SPTLC3: variants seen among roughly 807,000 people sequenced by gnomAD.
The protein encoded by SPTLC3 is serine palmitoyltransferase long chain base subunit 3, also known as serine palmitoyltransferase 3.
SPTLC3 carries 36 observed loss-of-function variants against 59.3 expected under a neutral mutation model. That is an observed-to-expected ratio of 0.61 (90% CI 0.47 to 0.80). The LOEUF is 0.80. Ranked by LOEUF, SPTLC3 falls within the 30% of genes least tolerant of loss-of-function variation. The pLI is 0.00. For synonymous variants in SPTLC3, 257 were observed against 240.8 expected, an observed-to-expected ratio of 1.07 and a Z score of -0.62; for missense variants, 625 against 685.1, an observed-to-expected ratio of 0.91 and a Z score of 0.98.
chr20:13,164,367 G>A (rs190027007), intron 11 of SPTLC3: 116 of 472,862 alleles, frequency 2.5e-4, no homozygotes, highest in African/African-American at 2.1e-3. Flanking sequence ...GTGATTTGCT[G>A]TGTCATGAAG....
intron 9 of SPTLC3, among the ~76,000 whole-genome samples, chr20:13,135,391 C>A (rs965379062): frequency 6.6e-6 from 1 of 152,186 alleles, no homozygotes; most frequent in African/African-American, 2.4e-5. Context: ...GACTGCTGAT[C>A]TTCCTCCCAT....
chr20:13,072,760 C>T (rs1018962379), intron 3 of SPTLC3, among the ~76,000 whole-genome samples: 1 of 152,298 alleles, frequency 6.6e-6, no homozygotes, highest in Middle Eastern at 3.4e-3. Context: ...TTCTGGAAGG[C>T]TCTTGCTAGA....
At chr20:13,019,729 A>G (rs6078885) in intron 1 of SPTLC3, among the ~76,000 whole-genome samples, 85,937 of 152,040 alleles carry the variant, frequency 0.57, 26,954 homozygotes, top group South Asian at 0.71. Flanking sequence ...CCTTCGTTAG[A>G]TGATGTATTC....
chr20:13,125,263 G>A (rs1286732617), intron 8 of SPTLC3, among the ~76,000 whole-genome samples: 1 of 152,174 alleles, frequency 6.6e-6, no homozygotes, highest in East Asian at 1.9e-4. Flanking sequence ...GCATACAGGT[G>A]AAAAATGGCT....
intron 1 of SPTLC3, among the ~76,000 whole-genome samples, chr20:13,021,867 C>A (rs1229992578): frequency 6.6e-6 from 1 of 152,060 alleles, no homozygotes; most frequent in East Asian, 1.9e-4. Flanking sequence ...TCTAACACAT[C>A]ATGATAGATA....
intron 2 of SPTLC3, chr20:13,050,359 G>A (rs991325336): frequency 5.3e-5 from 8 of 152,146 alleles, no homozygotes; most frequent in Non-Finnish European, 1.0e-4. Context: ...CAAGGTCTTC[G>A]AATTAACCCA....
intron 2 of SPTLC3, among the ~76,000 whole-genome samples, chr20:13,064,929 A>G (rs1006853944): frequency 6.6e-6 from 1 of 152,184 alleles, no homozygotes; most frequent in Non-Finnish European, 1.5e-5. Flanking sequence ...ATTTTTAATC[A>G]TGACATAATT....
intron 1 of SPTLC3, among the ~76,000 whole-genome samples, chr20:13,023,073 C>A (rs1302696449): frequency 6.6e-6 from 1 of 151,948 alleles, no homozygotes; most frequent in African/African-American, 2.4e-5. Context: ...TCCTCATCCC[C>A]CGTCCTGGAA....
chr20:13,097,509 A>T (rs779043651), intron 6 of SPTLC3, among the ~76,000 whole-genome samples: 2 of 151,964 alleles, frequency 1.3e-5, no homozygotes, highest in African/African-American at 2.4e-5. Flanking sequence ...AATTCTGAAG[A>T]TCGTCTGTCT....
chr20:13,062,947 G>C (rs989976392), intron 2 of SPTLC3, among the ~76,000 whole-genome samples: 2 of 152,154 alleles, frequency 1.3e-5, no homozygotes, highest in African/African-American at 4.8e-5. Flanking sequence ...ATTCCTGGAA[G>C]TGGCTTTCTG....
At chr20:13,106,472 AAGACTTC>A (rs1989905135) in intron 6 of SPTLC3, among the ~76,000 whole-genome samples, 1 of 152,184 alleles carries the variant, frequency 6.6e-6, no homozygotes, top group Non-Finnish European at 1.5e-5. Context: ...AGTTTGGGTT[AAGACTTC>A]AGTGATGAGT....
Position 13,160,284 on chromosome 20 carries a change from C to T in SPTLC3, c.1545+152C>T, listed in dbSNP as rs113777970. 687 of 862,298 alleles carry T rather than the reference C, an allele frequency of 8.0e-4. 2 individuals are homozygous for T. In the African/African-American group the frequency reaches 0.01, roughly 13 times the overall value. 53.4% of individuals were successfully genotyped at this position (862,298 alleles called of 1,614,324 possible). A position where few individuals can be genotyped will look rare whatever the true frequency, so the allele number is the denominator to read the frequency against. ...AAGTCACTGCCAAAAAACAAGAGCT[C>T]GTCAACAACAGCCAACACTGTGACC... On this transcript the variant is annotated intron_variant, in intron 11 of 11. Transcript: ENST00000399002.
At chr20:13,095,515 T>A (rs1989380324) in intron 6 of SPTLC3, among the ~76,000 whole-genome samples, 2 of 152,170 alleles carry the variant, frequency 1.3e-5, no homozygotes, top group Admixed American at 6.5e-5. Context: ...TACATACATA[T>A]ATAAATGACC....
chr20:13,095,824 C>G (rs905933242), intron 6 of SPTLC3, among the ~76,000 whole-genome samples: 1 of 152,170 alleles, frequency 6.6e-6, no homozygotes, highest in Non-Finnish European at 1.5e-5. Flanking sequence ...TCTCTCTACT[C>G]TTTTACACTC....
intron 10 of SPTLC3, among the ~76,000 whole-genome samples, chr20:13,157,837 G>A (rs530281325): frequency 8.5e-5 from 13 of 152,094 alleles, no homozygotes; most frequent in Non-Finnish European, 1.3e-4. Flanking sequence ...TTTTGAAATA[G>A]GGCGTTAATT....
intron 6 of SPTLC3, among the ~76,000 whole-genome samples, chr20:13,107,848 A>C (rs1172390235): frequency 6.6e-6 from 1 of 150,924 alleles, no homozygotes; most frequent in Non-Finnish European, 1.5e-5. Flanking sequence ...GTAGCATACT[A>C]TATCTAATAC....
intron 4 of SPTLC3, among the ~76,000 whole-genome samples, chr20:13,076,695 A>T (rs2122582023): frequency 1.3e-5 from 2 of 152,346 alleles, no homozygotes; most frequent in Admixed American, 1.3e-4. Context: ...CCTAAGTTCA[A>T]CTATGTGCTG....
intron 4 of SPTLC3, among the ~76,000 whole-genome samples, chr20:13,079,343 T>G (rs1351457637): frequency 6.6e-6 from 1 of 152,144 alleles, no homozygotes; most frequent in African/African-American, 2.4e-5. Context: ...GAGAAAAGGA[T>G]CAATGATTTC....
chr20:13,013,709 C>T (rs914203742), intron 1 of SPTLC3, among the ~76,000 whole-genome samples: 1 of 152,160 alleles, frequency 6.6e-6, no homozygotes, highest in Non-Finnish European at 1.5e-5. Context: ...AAATAGCTCA[C>T]AGTATAAATG....
Sources: gnomAD v4.1 joint callset for allele counts (sites outside exome capture counted in the v4.1 genomes callset) on GRCh38, gnomAD v4.1.1 for gene constraint, MANE v1.5 for transcripts, NCBI Gene and HGNC (gene_info 2026-07-23, HGNC 2026-07-21) for gene names.